Variants in VPS54 observed in about 807,000 individuals in gnomAD.
VPS54 encodes the protein vacuolar protein sorting-associated protein 54.
VPS54 carries 45 observed loss-of-function variants against 121.5 expected under a neutral mutation model. The observed-to-expected ratio is 0.37, with a 90% CI of 0.29 to 0.47. The LOEUF is 0.47. Among genes scored for constraint, VPS54 ranks in the 20% least tolerant of loss-of-function variants. The pLI is 0.99. For missense variants in VPS54, 1,090 were observed against 1,131.4 expected (o/e 0.96, Z 0.52); for synonymous variants, 371 against 385.8 (o/e 0.96, Z 0.45).
intron 17 of VPS54, 89 bp downstream of exon 17, chr2:63,914,093 C>A: frequency 3.4e-6 from 4 of 1,169,594 alleles, no homozygotes; most frequent in African/African-American, 1.6e-5. Context: ...TTAATTTGAC[C>A]TTGAAATGTC....
intron 1 of VPS54, among the ~76,000 whole-genome samples, chr2:64,001,223 A>C (rs1200679711): frequency 6.6e-6 from 1 of 151,954 alleles, no homozygotes; most frequent in East Asian, 1.9e-4. Context: ...AGGGCTCTTC[A>C]GTCAGCTTGT....
chr2:63,925,915 T>C (rs1488732517), intron 12 of VPS54, among the ~76,000 whole-genome samples: 1 of 152,248 alleles, frequency 6.6e-6, no homozygotes, highest in African/African-American at 2.4e-5. Flanking sequence ...ATTCACTTTG[T>C]GCTAGTTAAT....
intron 6 of VPS54, among the ~76,000 whole-genome samples, chr2:63,965,462 C>T (rs189614665): frequency 1.2e-3 from 180 of 152,030 alleles, no homozygotes; most frequent in South Asian, 3.3e-3. Context: ...GGCAACAGAG[C>T]GAGACTCCGT....
intron 1 of VPS54, among the ~76,000 whole-genome samples, chr2:64,008,048 C>A (rs1678248355): frequency 6.6e-6 from 1 of 151,486 alleles, no homozygotes; most frequent in South Asian, 2.1e-4. Flanking sequence ...GAGCAAGAAT[C>A]TTTTAGGCTA....
At chr2:63,963,708 C>A (rs1675867467) in intron 6 of VPS54, among the ~76,000 whole-genome samples, 2 of 152,036 alleles carry the variant, frequency 1.3e-5, no homozygotes, top group Non-Finnish European at 1.5e-5. Flanking sequence ...TTTGCTCTTT[C>A]ATCTTCAATA....
intron 7 of VPS54, among the ~76,000 whole-genome samples, chr2:63,960,690 A>C (rs1675716231): frequency 6.6e-6 from 1 of 152,216 alleles, no homozygotes; most frequent in Non-Finnish European, 1.5e-5. Context: ...TCATTATAGA[A>C]ATCCATTTCT....
intron 1 of VPS54, among the ~76,000 whole-genome samples, chr2:63,992,665 CTG>C (rs534516608): frequency 9.3e-4 from 142 of 152,320 alleles, no homozygotes; most frequent in African/African-American, 3.1e-3. Context: ...TGGAATTCTC[CTG>C]TGTTTCTAGT....
Position 63,949,118 on chromosome 2 carries a change from T to C in VPS54, c.1056A>G (p.Lys352=), listed in dbSNP as rs763780645. ...AAGTAGAAAATTCTGCAATCATCAT[T>C]TTATCTATCAGTTTTTCTAATTCAC... ...QLCELEKLID[K]MMIAEFSTYS... is the part of the protein sequence containing the mutation. Residue 352 remains lysine, a synonymous_variant, in exon 8 of 23, where the codon AAA becomes AAG. Coordinates refer to ENST00000272322, the MANE Select transcript of VPS54 (RefSeq NM_016516.3). The C allele has an allele frequency of 8.1e-6, 13 of 1,611,412 alleles. No individual in the cohort carries two copies. The African/African-American group carries it at 1.7e-4, about 22-fold the overall frequency.
chr2:63,982,600 G>A (rs772258208), intron 2 of VPS54, among the ~76,000 whole-genome samples: 6 of 152,082 alleles, frequency 3.9e-5, no homozygotes, highest in Non-Finnish European at 8.8e-5. Flanking sequence ...CACTAACACC[G>A]AACTTGTGGC....
chr2:63,968,889 T>C, intron 5 of VPS54, 68 bp downstream of exon 5: 2 of 1,286,488 alleles, frequency 1.6e-6, no homozygotes, highest in Non-Finnish European at 1.1e-6. Context: ...CCAAATGAAA[T>C]CTGCTTGTAA....
At position 63,892,283 on chromosome 2, in the gene VPS54, T is replaced by TAATC. The variant is rs943498551; in HGVS notation, c.*1143_*1146dup. The TAATC allele has an allele frequency of 3.3e-5, 5 of 152,174 alleles. No homozygotes were observed. The allele number at this position is 152,174 out of a possible 1,614,324, so 9.4% of individuals were successfully genotyped here. ...CAAAATAAGACTGTTTCATTATACA[T>TAATC]AATCACCACAGGATATTAGGCACTC... is the stretch of plus-strand genomic sequence containing the variant. On this transcript the variant is annotated 3_prime_UTR_variant, in exon 23 of 23. Transcript: ENST00000272322.
intron 1 of VPS54, among the ~76,000 whole-genome samples, chr2:64,016,852 A>C (rs1316630912): frequency 6.6e-6 from 1 of 151,710 alleles, no homozygotes; most frequent in Non-Finnish European, 1.5e-5. Flanking sequence ...CAGGTGATCT[A>C]CCTGACTAGG....
chr2:63,948,863 G>T (rs763969012), intron 8 of VPS54, among the ~76,000 whole-genome samples, 174 bp downstream of exon 8: 1 of 152,054 alleles, frequency 6.6e-6, no homozygotes, highest in Non-Finnish European at 1.5e-5. Flanking sequence ...AATTCCATAG[G>T]ATAGTGAACA....
intron 1 of VPS54, among the ~76,000 whole-genome samples, chr2:63,996,224 G>A (rs1384183091): frequency 6.6e-6 from 1 of 152,198 alleles, no homozygotes; most frequent in Non-Finnish European, 1.5e-5. Flanking sequence ...CAATTTGTTA[G>A]TGCTCCAAAT....
At chr2:63,926,268 T>A (rs1033072568) in intron 12 of VPS54, among the ~76,000 whole-genome samples, 11 of 152,190 alleles carry the variant, frequency 7.2e-5, no homozygotes, top group African/African-American at 2.7e-4. Context: ...ATGAGAGAAA[T>A]AAAATTTTAC....
rs117847732 is a variant in VPS54, at chr2:63,936,241, G to C, written c.1399-2228C>G. Among the ~76,000 whole-genome samples the C allele has an allele frequency of 7.5e-4, 108 of 144,264 alleles. 4 individuals carry two copies. In the East Asian group the frequency reaches 0.018, roughly 23 times the overall value. 94.6% of individuals were successfully genotyped at this position (144,264 alleles called of 152,430 possible). ...TCAGGTATTCTAGGGATTCTTCTTT[G>C]CTGTTTTCACCGTATCTACACTTTT... On this transcript the variant is annotated intron_variant, in intron 11 of 22. Transcript: ENST00000272322.
chr2:63,942,316 T>C (rs1674780260), intron 11 of VPS54, 149 bp downstream of exon 11: 1 of 516,822 alleles, frequency 1.9e-6, no homozygotes, highest in Non-Finnish European at 3.3e-6. Context: ...GGTACCTAAA[T>C]TTTTATTTAA....
chr2:64,000,287 T>C (rs191417821), intron 1 of VPS54, among the ~76,000 whole-genome samples: 1 of 152,358 alleles, frequency 6.6e-6, no homozygotes, highest in African/African-American at 2.4e-5. Context: ...GGATTCTGAA[T>C]TCCATCTCTG....
In VPS54 at chr2:63,920,578, C is replaced by T; in HGVS notation, c.1919G>A (p.Arg640Lys). The T allele has an allele frequency of 6.4e-7, 1 of 1,564,230 alleles. No homozygotes were observed. The highest frequency in any genetic ancestry group is 8.6e-7 in the Non-Finnish European group (1 of 1,157,210). ...LNSMEFITLSRLMETFILDTE... is the reference protein window; with the variant it reads ...LNSMEFITLSKLMETFILDTE... ...GTCTAAAATGAATGTTTCCATTAAT[C>T]TAGAAAGTGTTATGAATTCCATGGA... is the stretch of plus-strand genomic sequence containing the variant. The change falls in exon 14 of 23, where the codon AGA becomes AAA. Residue 640 changes from arginine (R) to lysine (K), a missense_variant. By Grantham distance (26) the Arg-to-Lys change is conservative. Coordinates refer to ENST00000272322, the MANE Select transcript of VPS54 (RefSeq NM_016516.3).
Sources: allele counts gnomAD v4.1 joint callset (sites outside exome capture counted in the v4.1 genomes callset), GRCh38; gene constraint gnomAD v4.1.1; transcripts MANE v1.5; gene names NCBI Gene and HGNC (gene_info 2026-07-23, HGNC 2026-07-21).